The following DNM3 variants were observed in gnomAD, a reference collection of about 807,000 sequenced individuals.
The protein encoded by DNM3 is dynamin-3.
A neutral mutation model predicts 101.6 loss-of-function variants in DNM3; 47 were observed. The ratio of observed to expected loss-of-function variants is 0.46; its 90% CI spans 0.37 to 0.59. DNM3 has a LOEUF of 0.59. DNM3 is among the 20% of genes least tolerant of loss of function. The pLI is 0.00. For synonymous variants in DNM3, 385 were observed against 387.9 expected (o/e 0.99, Z 0.09); for missense variants, 849 against 1,085.7 (o/e 0.78, Z 3.06).
intron 13 of DNM3, among the ~76,000 whole-genome samples, chr1:172,117,595 A>C (rs2056009007): frequency 6.6e-6 from 1 of 152,168 alleles, no homozygotes; most frequent in Non-Finnish European, 1.5e-5. Context: ...GCCATGTGGA[A>C]CTGTAAGTCC....
chr1:171,954,820 A>T (rs2042750791), intron 2 of DNM3, among the ~76,000 whole-genome samples: 1 of 152,228 alleles, frequency 6.6e-6, no homozygotes, highest in Non-Finnish European at 1.5e-5. Context: ...AATTGTGGAA[A>T]CTGGGGCAAC....
Position 172,371,876 on chromosome 1 carries a change from TA to T in DNM3, c.1894-7141del, listed in dbSNP as rs1399551491. Among the ~76,000 whole-genome samples, 411 of 148,818 alleles carry T rather than the reference TA, an allele frequency of 2.8e-3. 1 individual carries two copies. Among genetic ancestry groups the T allele is most frequent in the African/African-American group, 9.4e-3 (381 of 40,654 alleles). ...TTTATTTATTTTTATTTTTATTTTTTATTTTTTTTACTTTTTTATTTATTTA... is the reference window on the plus strand; with the variant it reads ...TTTATTTATTTTTATTTTTATTTTTTTTTTTTTTACTTTTTTATTTATTTA... On this transcript the variant is annotated intron_variant, in intron 17 of 20. Transcript: ENST00000627582.
At chr1:172,325,858 A>G (rs1389880785) in intron 17 of DNM3, among the ~76,000 whole-genome samples, 3 of 152,232 alleles carry the variant, frequency 2.0e-5, no homozygotes, top group Admixed American at 6.5e-5. Context: ...ACCAGACTCT[A>G]GAGCAAATGA....
chr1:171,943,627 GC>G (rs1030550878), intron 2 of DNM3, among the ~76,000 whole-genome samples: 23 of 152,208 alleles, frequency 1.5e-4, no homozygotes, highest in African/African-American at 5.5e-4. Flanking sequence ...TGACCTGGAA[GC>G]CCCCTGCTTC....
At chr1:172,159,926 G>A (rs1558657248) in intron 14 of DNM3, among the ~76,000 whole-genome samples, 1 of 151,948 alleles carries the variant, frequency 6.6e-6, no homozygotes, top group Non-Finnish European at 1.5e-5. Flanking sequence ...ATGGTATATA[G>A]CCCATTGCCC....
intron 17 of DNM3, among the ~76,000 whole-genome samples, chr1:172,371,890 TTTTATTTATTTA>T (rs951752069): frequency 6.1e-5 from 9 of 147,802 alleles, no homozygotes; most frequent in East Asian, 5.9e-4. Context: ...TTTTTTACTT[TTTTATTTATTTA>T]TTTATTTATT....
intron 4 of DNM3, among the ~76,000 whole-genome samples, chr1:171,995,096 G>GTTTTTTTTTTTTTTTTTTTTTTTTTTTT (rs35925537): frequency 2.0e-5 from 1 of 49,636 alleles, no homozygotes; most frequent in Non-Finnish European, 3.7e-5. Flanking sequence ...TGAAATCCAG[G>GTTTTTTTTTTTTTTTTTTTTTTTTTTTT]TTTTTTTTTT....
chr1:172,130,878 T>G (rs2056899839), intron 13 of DNM3, among the ~76,000 whole-genome samples: 1 of 152,164 alleles, frequency 6.6e-6, no homozygotes, highest in South Asian at 2.1e-4. Context: ...ATGCCATAAG[T>G]AGGCCTGACA....
intron 17 of DNM3, chr1:172,366,652 T>A (rs1471066196): frequency 6.6e-6 from 1 of 151,860 alleles, no homozygotes; most frequent in African/African-American, 2.4e-5. Context: ...TTTTTCTGAA[T>A]GAGAAATTTA....
intron 17 of DNM3, among the ~76,000 whole-genome samples, chr1:172,358,787 T>A (rs2067580638): frequency 6.6e-6 from 1 of 152,064 alleles, no homozygotes; most frequent in African/African-American, 2.4e-5. Flanking sequence ...ATGTTGCCAC[T>A]GGTAATTCTT....
At position 172,362,327 on chromosome 1, in the gene DNM3, C is replaced by T. The variant is rs148486032; in HGVS notation, c.1894-16691C>T. Among the ~76,000 whole-genome samples the T allele has an allele frequency of 1.4e-3, 214 of 151,894 alleles. 1 individual carries two copies. The highest frequency in any genetic ancestry group is 5.1e-3 in the African/African-American group (211 of 41,466). On this transcript the variant is annotated intron_variant, in intron 17 of 20. Transcript: ENST00000627582. ...GTCTAGGAAAGAGGGATCATTTGGG[C>T]CAGGTCTTGAATAATGAAAAGATTT...
At chr1:172,171,256 T>G (rs2058947982) in intron 14 of DNM3, among the ~76,000 whole-genome samples, 1 of 151,800 alleles carries the variant, frequency 6.6e-6, no homozygotes, top group African/African-American at 2.4e-5. Flanking sequence ...ATTACCTTCT[T>G]TATTCAAGTT....
At chr1:172,032,326 T>C in intron 4 of DNM3, 76 bp from the exon 5 acceptor site, 2 of 1,036,078 alleles carry the variant, frequency 1.9e-6, no homozygotes, top group South Asian at 2.7e-5. Context: ...GCTTTACATT[T>C]AGCATTGTGA....
chr1:171,896,231 G>A (rs1461970212), intron 1 of DNM3, among the ~76,000 whole-genome samples: 2 of 152,170 alleles, frequency 1.3e-5, no homozygotes, highest in African/African-American at 2.4e-5. Context: ...ACCTTGGGCA[G>A]TATGGCCATT....
Position 172,116,885 on chromosome 1 carries a change from C to A in DNM3, c.1546-14290C>A, listed in dbSNP as rs140147180. ...TTTCTTAGAACGTACTTTGAGAAAC[C>A]CTGCCTCAACCCCATCAGTTACTTA... On this transcript the variant is annotated intron_variant, in intron 13 of 20. Transcript: ENST00000627582. Among the ~76,000 whole-genome samples, 213 of 152,032 alleles carry A rather than the reference C, an allele frequency of 1.4e-3. 2 individuals are homozygous for A. Among genetic ancestry groups the A allele is most frequent in the African/African-American group, 5.1e-3 (210 of 41,448 alleles).
Position 172,387,306 on chromosome 1 carries a change from G to T in DNM3, c.2232G>T (p.Val744=). 1 of 1,613,828 alleles carries T rather than the reference G, an allele frequency of 6.2e-7. No individual in the cohort carries two copies. Among genetic ancestry groups the T allele is most frequent in the South Asian group, 1.1e-5 (1 of 91,072 alleles). ...GIIGDISTAT[V]STPAPPPVDD... ...TTGGGGACATCAGCACAGCCACCGT[G>T]TCCACTCCGGCACCCCCTCCAGTGG... The change falls in exon 19 of 21, where the codon GTG becomes GTT. Residue 744 remains valine (V), a synonymous_variant. Transcript: ENST00000627582.
intron 20 of DNM3, among the ~76,000 whole-genome samples, chr1:172,401,768 A>G (rs1266240634): frequency 2.0e-5 from 3 of 152,184 alleles, no homozygotes; most frequent in African/African-American, 7.2e-5. Context: ...GCTGAATAGC[A>G]CCCTATAGTA....
At chr1:171,909,039 G>A (rs1404282142) in intron 1 of DNM3, among the ~76,000 whole-genome samples, 1 of 152,018 alleles carries the variant, frequency 6.6e-6, no homozygotes, top group African/African-American at 2.4e-5. Context: ...ATGTGTAGTA[G>A]TGGGAAGAAA....
At chr1:171,862,566 A>G (rs1233823193) in intron 1 of DNM3, among the ~76,000 whole-genome samples, 1 of 152,144 alleles carries the variant, frequency 6.6e-6, no homozygotes, top group African/African-American at 2.4e-5. Context: ...GGTGTTTGCC[A>G]GGGCCTAGGG....
Sources: gnomAD v4.1 joint callset for allele counts (sites outside exome capture counted in the v4.1 genomes callset) on GRCh38, gnomAD v4.1.1 for gene constraint, MANE v1.5 for transcripts, NCBI Gene and HGNC (gene_info 2026-07-23, HGNC 2026-07-21) for gene names.